TSC22D1: variants seen among roughly 807,000 people sequenced by gnomAD.
TSC22D1 encodes TSC22 domain family protein 1.
TSC22D1 carries 9 observed loss-of-function variants against 74.2 expected under a neutral mutation model. That is an observed-to-expected ratio of 0.12 (90% confidence interval 0.07 to 0.21). The LOEUF is 0.21. Ranked by LOEUF, TSC22D1 falls within the 10% of genes least tolerant of loss-of-function variation. The pLI is 1.00. For missense variants in TSC22D1, 1,427 were observed against 1,304.7 expected (o/e 1.09, Z -1.44); for synonymous variants, 586 against 492.5 (o/e 1.19, Z -2.51).
At chr13:44,453,780 A>G (rs1876346975) in intron 1 of TSC22D1, among the ~76,000 whole-genome samples, 1 of 152,214 alleles carries the variant, frequency 6.6e-6, no homozygotes, top group South Asian at 2.1e-4. Context: ...ACACCTTCAG[A>G]CAATTTATAT....
At chr13:44,551,181 A>G (rs1357741840) in intron 1 of TSC22D1, among the ~76,000 whole-genome samples, 1 of 151,754 alleles carries the variant, frequency 6.6e-6, no homozygotes, top group African/African-American at 2.4e-5. Flanking sequence ...CTGAGGTGGG[A>G]GAATCGCTTG....
intron 1 of TSC22D1, 68 bp downstream of exon 1, chr13:44,573,095 A>C (rs1883884491): frequency 1.3e-6 from 2 of 1,535,294 alleles, no homozygotes; most frequent in East Asian, 4.6e-5. Flanking sequence ...TTTTGTGCAT[A>C]CATATAGCTA....
chr13:44,503,939 C>G (rs7336285), intron 1 of TSC22D1, among the ~76,000 whole-genome samples: 2,276 of 150,964 alleles, frequency 0.015, 48 homozygotes, highest in African/African-American at 0.048. Flanking sequence ...GTAAATAAAC[C>G]TTAGAGAATA....
At chr13:44,511,215 G>T (rs919678631) in intron 1 of TSC22D1, among the ~76,000 whole-genome samples, 1 of 152,018 alleles carries the variant, frequency 6.6e-6, no homozygotes, top group Non-Finnish European at 1.5e-5. Context: ...AGCCCGGGAG[G>T]TTGCAGCTGC....
intron 1 of TSC22D1, among the ~76,000 whole-genome samples, chr13:44,461,690 G>A (rs556795939): frequency 1.3e-5 from 2 of 152,186 alleles, no homozygotes; most frequent in East Asian, 3.9e-4. Flanking sequence ...CAGTATGGTG[G>A]GAAATTAAGG....
At chr13:44,559,830 T>C (rs1882920558) in intron 1 of TSC22D1, among the ~76,000 whole-genome samples, 1 of 152,072 alleles carries the variant, frequency 6.6e-6, no homozygotes, top group Admixed American at 6.6e-5. Context: ...AAGCTGGGAC[T>C]GCAGGTGTGT....
chr13:44,576,093 CG>C lies in TSC22D1; in HGVS notation c.-20del. On this transcript the variant is annotated 5_prime_UTR_variant, in exon 1 of 3. Transcript: ENST00000458659. ...GGTGCATTGTGTTGGGTACCGGGGGCGCGGAGGAGACGAGTGCAATTTCCTT... is the reference window on the plus strand; with the variant it reads ...GGTGCATTGTGTTGGGTACCGGGGGCCGGAGGAGACGAGTGCAATTTCCTT... The C allele has an allele frequency of 6.6e-7, 1 of 1,505,900 alleles. No individual in the cohort carries two copies. The highest frequency in any genetic ancestry group is 8.8e-7 in the Non-Finnish European group (1 of 1,133,088). 93.3% of individuals were successfully genotyped at this position (1,505,900 alleles called of 1,614,324 possible). A position where few individuals can be genotyped will look rare whatever the true frequency, so the allele number is the denominator to read the frequency against.
At chr13:44,558,698 C>T (rs754993146) in intron 1 of TSC22D1, among the ~76,000 whole-genome samples, 2 of 152,124 alleles carry the variant, frequency 1.3e-5, no homozygotes, top group Non-Finnish European at 2.9e-5. Flanking sequence ...CGAGATTGTG[C>T]CACTGCACTC....
intron 1 of TSC22D1, among the ~76,000 whole-genome samples, chr13:44,503,501 C>T (rs1879307402): frequency 6.6e-6 from 1 of 152,132 alleles, no homozygotes; most frequent in Non-Finnish European, 1.5e-5. Flanking sequence ...TAAATACCTT[C>T]AAATTTTCAT....
chr13:44,456,066 T>C (rs114912692), intron 1 of TSC22D1, among the ~76,000 whole-genome samples: 43 of 152,248 alleles, frequency 2.8e-4, no homozygotes, highest in African/African-American at 1.0e-3. Context: ...TGAGCAATTG[T>C]ATCTGGAATT....
chr13:44,539,882 G>A, intron 1 of TSC22D1: 1 of 1,289,668 alleles, frequency 7.8e-7, no homozygotes, highest in Non-Finnish European at 1.0e-6. Context: ...CTGTATCTGT[G>A]GTTCTAGGAT....
chr13:44,576,291 C>A lies in TSC22D1; in HGVS notation c.-217G>T. On this transcript the variant is annotated 5_prime_UTR_variant, in exon 1 of 3. Transcript: ENST00000458659. ...CGAGGGTGAACAGGGCGGCCGGGGA[C>A]CCGAAGGGGGGATCCCTTCAGTCCT... The A allele has an allele frequency of 1.6e-6, 1 of 617,552 alleles. No homozygotes were observed. Among genetic ancestry groups the A allele is most frequent in the Non-Finnish European group, 2.7e-6 (1 of 367,268 alleles). The allele number at this position is 617,552 out of a possible 1,614,324, so 38.3% of individuals were successfully genotyped here.
chr13:44,434,069 ATTGT>A lies in TSC22D1; in HGVS notation c.*553_*556del, dbSNP rs762785975. On this transcript the variant is annotated 3_prime_UTR_variant, in exon 3 of 3. Transcript: ENST00000458659. ...TCACTCTCATAGTTTTGTGTCATCCATTGTTTGAGAAGAAAGAGGCACAGTACTA... is the reference window on the plus strand; with the variant it reads ...TCACTCTCATAGTTTTGTGTCATCCATTGAGAAGAAAGAGGCACAGTACTA... 1.0e-3 allele frequency: 1,546 copies of A among 1,528,020 alleles called. 1 individual carries two copies. Among genetic ancestry groups the A allele is most frequent in the Non-Finnish European group, 1.2e-3 (1,430 of 1,145,222 alleles). 94.7% of individuals were successfully genotyped at this position (1,528,020 alleles called of 1,614,324 possible).
At chr13:44,437,183 G>C in intron 1 of TSC22D1, 1 of 985,526 alleles carries the variant, frequency 1.0e-6, no homozygotes, top group Non-Finnish European at 1.2e-6. Flanking sequence ...TACGTTTAAG[G>C]GAGTCAGACC....
intron 1 of TSC22D1, among the ~76,000 whole-genome samples, chr13:44,490,853 C>T (rs1038351458): frequency 4.6e-5 from 7 of 150,788 alleles, no homozygotes; most frequent in Non-Finnish European, 8.8e-5. Context: ...GCCAAGATTA[C>T]GCCACTGCAC....
intron 1 of TSC22D1, among the ~76,000 whole-genome samples, chr13:44,476,879 G>A (rs1183472302): frequency 6.6e-6 from 1 of 152,010 alleles, no homozygotes; most frequent in Non-Finnish European, 1.5e-5. Flanking sequence ...TGTTGCCCAG[G>A]CTGGTCTCAA....
chr13:44,484,781 A>G (rs998715108), intron 1 of TSC22D1, among the ~76,000 whole-genome samples: 35 of 152,236 alleles, frequency 2.3e-4, no homozygotes, highest in African/African-American at 8.4e-4. Flanking sequence ...ACCTCAAGCC[A>G]CACAGGTGGG....
chr13:44,474,253 C>T (rs753438331), intron 1 of TSC22D1: 118 of 985,414 alleles, frequency 1.2e-4, no homozygotes, highest in Middle Eastern at 5.2e-4. Flanking sequence ...AAAAGCTTCA[C>T]GCTACAGACT....
Position 44,573,185 on chromosome 13 carries a change from G to A in TSC22D1, c.2890C>T (p.Leu964=), listed in dbSNP as rs940292518. The A allele has an allele frequency of 2.5e-6, 4 of 1,613,984 alleles. No individual in the cohort carries two copies. Among genetic ancestry groups the A allele is most frequent in the Non-Finnish European group, 3.4e-6 (4 of 1,180,010 alleles). Residue 964 remains leucine, a synonymous_variant, in exon 1 of 3, where the codon CTG becomes TTG. Coordinates refer to ENST00000458659, the MANE Select transcript of TSC22D1 (RefSeq NM_183422.4). ...TACCTCTCATCCTCGCCATCCACCA[G>A]GGGTGTCGTCAGCGGTAGCACCTTC... ...PLKVLPLTTP[L]VDGEDESSSG...
Sources: allele counts gnomAD v4.1 joint callset (sites outside exome capture counted in the v4.1 genomes callset), GRCh38; gene constraint gnomAD v4.1.1; transcripts MANE v1.5; gene names NCBI Gene and HGNC (gene_info 2026-07-23, HGNC 2026-07-21).